Variants in SEC24B observed in about 807,000 individuals in gnomAD.
The protein encoded by SEC24B is SEC24 homolog B, COPII component, also known as protein transport protein Sec24B.
In SEC24B, 45 loss-of-function variants were observed where a neutral mutation model predicts 142.8. That is an observed-to-expected ratio of 0.32 (90% CI 0.25 to 0.40). SEC24B has a LOEUF of 0.40. SEC24B is among the 10% of genes least tolerant of loss of function. The probability of loss-of-function intolerance (pLI) is 1.00; values close to 1 mark genes in which losing one functional copy is unlikely to be tolerated. For missense variants in SEC24B, 1,409 were observed against 1,526.8 expected, an observed-to-expected ratio of 0.92 and a Z score of 1.29; for synonymous variants, 574 against 568.2, an observed-to-expected ratio of 1.01 and a Z score of -0.15.
chr4:109,488,750 CA>C (rs1350630789), intron 4 of SEC24B: 1 of 167,580 alleles, frequency 6.0e-6, no homozygotes, highest in Non-Finnish European at 1.5e-5. Flanking sequence ...TAAGGTTTGG[CA>C]AAGATGTGGA....
chr4:109,470,035 AC>A (rs1732351611), intron 2 of SEC24B, among the ~76,000 whole-genome samples: 1 of 152,240 alleles, frequency 6.6e-6, no homozygotes. Context: ...GCAAATTAAA[AC>A]TAGAATGGGA....
intron 1 of SEC24B, among the ~76,000 whole-genome samples, chr4:109,459,111 C>G (rs1017447515): frequency 6.6e-6 from 1 of 152,058 alleles, no homozygotes; most frequent in Non-Finnish European, 1.5e-5. Context: ...CTGTGTTGCT[C>G]TACTCTTCGA....
chr4:109,501,321 A>G (rs777653696), intron 6 of SEC24B, among the ~76,000 whole-genome samples: 1 of 152,138 alleles, frequency 6.6e-6, no homozygotes, highest in African/African-American at 2.4e-5. Flanking sequence ...TTGTGAGTAC[A>G]CTCTGTGATG....
At chr4:109,496,483 GA>G (rs1240585714) in intron 6 of SEC24B, among the ~76,000 whole-genome samples, 146 of 152,274 alleles carry the variant, frequency 9.6e-4, no homozygotes, top group African/African-American at 3.0e-3. Context: ...TAACCTTATA[GA>G]AATTTTATGG....
At chr4:109,486,891 G>A (rs1487964198) in intron 4 of SEC24B, among the ~76,000 whole-genome samples, 2 of 152,130 alleles carry the variant, frequency 1.3e-5, no homozygotes, top group African/African-American at 2.4e-5. Context: ...GTAAGCAGGC[G>A]CGGTGGCTCA....
Position 109,532,677 on chromosome 4 carries a change from A to C in SEC24B, c.3429A>C (p.Pro1143=), listed in dbSNP as rs1282733967. The change falls in exon 21 of 24, where the codon CCA becomes CCC. Residue 1143 remains proline, a synonymous_variant. Transcript: ENST00000265175. ...TTAATGACAGGATTGTACCACAGCCACCTCTTCAAAAATTGTCTGCAGAGA... is the reference window on the plus strand; with the variant it reads ...TTAATGACAGGATTGTACCACAGCCCCCTCTTCAAAAATTGTCTGCAGAGA... The part of the protein sequence containing the change: ...VHVNDRIVPQ[P]PLQKLSAEKL... 4.6e-5 allele frequency: 74 copies of C among 1,613,620 alleles called. No homozygotes were observed. Among genetic ancestry groups the C allele is most frequent in the Non-Finnish European group, 5.9e-5 (70 of 1,179,660 alleles).
At chr4:109,539,308 A>G (rs539024394) in intron 23 of SEC24B, among the ~76,000 whole-genome samples, 37 of 150,220 alleles carry the variant, frequency 2.5e-4, no homozygotes, top group South Asian at 1.1e-3. Context: ...GGATCTTTCT[A>G]TCTTGCCCAG....
At chr4:109,517,251 TAAAG>T (rs1240620944) in intron 11 of SEC24B, among the ~76,000 whole-genome samples, 6 of 152,344 alleles carry the variant, frequency 3.9e-5, no homozygotes, top group Non-Finnish European at 5.9e-5. Flanking sequence ...GATGGATGGA[TAAAG>T]AAACTGGTAT....
In SEC24B at chr4:109,503,751, T is replaced by G. The variant is rs555146391; in HGVS notation, c.1489-2577T>G. 3.9e-5 allele frequency among the ~76,000 whole-genome samples: 6 copies of G among 152,080 alleles called. No homozygotes were observed. In the South Asian group the frequency reaches 1.0e-3, roughly 26 times the overall value. On this transcript the variant is annotated intron_variant, in intron 6 of 23. Coordinates refer to ENST00000265175, the MANE Select transcript of SEC24B (RefSeq NM_006323.5). Reference sequence around the variant, plus strand: ...AAAATCAGGAAAGTATTCTAGCTGGTTTTTTTTAGTTCTTTGATGATTTTG... The same window carrying G: ...AAAATCAGGAAAGTATTCTAGCTGGGTTTTTTTAGTTCTTTGATGATTTTG...
intron 7 of SEC24B, among the ~76,000 whole-genome samples, chr4:109,506,839 T>G (rs1736740484): frequency 6.6e-6 from 1 of 152,210 alleles, no homozygotes; most frequent in South Asian, 2.1e-4. Flanking sequence ...TTCTGATATC[T>G]TTTCAATAAG....
At chr4:109,489,305 A>T (rs1344722812) in intron 4 of SEC24B, among the ~76,000 whole-genome samples, 7 of 151,676 alleles carry the variant, frequency 4.6e-5, no homozygotes, top group Non-Finnish European at 2.9e-5. Flanking sequence ...CTGCGTGTGG[A>T]TATGTCTAGT....
intron 5 of SEC24B, among the ~76,000 whole-genome samples, chr4:109,493,134 A>G (rs1735189500): frequency 6.6e-6 from 1 of 152,160 alleles, no homozygotes; most frequent in African/African-American, 2.4e-5. Context: ...TTATGACAGC[A>G]TGTTGAAGGT....
Position 109,525,375 on chromosome 4 carries a change from A to G in SEC24B, c.2662A>G (p.Ile888Val). 6.2e-7 allele frequency: 1 copy of G among 1,609,378 alleles called. No homozygotes were observed. Among genetic ancestry groups the G allele is most frequent in the Non-Finnish European group, 8.5e-7 (1 of 1,177,762 alleles). ...CATGTCCAAGTATTCTGCAGGGTGC[A>G]TCTATTATTATCCATCATTCCACTA... Reference protein sequence around the residue: ...ACMSKYSAGCIYYYPSFHYTH... With the variant: ...ACMSKYSAGCVYYYPSFHYTH... The change falls in exon 16 of 24, where the codon ATC (isoleucine) becomes GTC (valine). Residue 888 changes from isoleucine (I) to valine (V), a missense_variant. Transcript: ENST00000265175.
intron 16 of SEC24B, 50 bp downstream of exon 16, chr4:109,525,554 CAGTG>C: frequency 7.6e-7 from 1 of 1,319,364 alleles, no homozygotes; most frequent in Non-Finnish European, 1.0e-6. Flanking sequence ...GTATCAAAGT[CAGTG>C]AGCATTCCAT....
In SEC24B at chr4:109,463,603, C is replaced by G. The variant is rs1323419145; in HGVS notation, c.836C>G (p.Thr279Arg). 6.2e-7 allele frequency: 1 copy of G among 1,614,110 alleles called. No homozygotes were observed. ...CAAGACAATCTCATCCGAAACCACA[C>G]AGGATCCCTGGCTGTAGCGAACAAC... The part of the protein sequence containing the change: ...STQDNLIRNH[T>R]GSLAVANNNP... Residue 279 changes from threonine (T) to arginine (R), a missense_variant, in exon 2 of 24, where the codon ACA becomes AGA. Physicochemically the swap from Thr to Arg is moderately conservative, Grantham distance 71. Coordinates refer to ENST00000265175, the MANE Select transcript of SEC24B (RefSeq NM_006323.5).
chr4:109,472,607 C>T (rs1732645388), intron 2 of SEC24B, among the ~76,000 whole-genome samples: 1 of 152,092 alleles, frequency 6.6e-6, no homozygotes, highest in African/African-American at 2.4e-5. Context: ...CACCTCCTTA[C>T]CTGAGTCACC....
chr4:109,466,613 T>G (rs921820074), intron 2 of SEC24B, among the ~76,000 whole-genome samples: 6 of 152,190 alleles, frequency 3.9e-5, no homozygotes, highest in Admixed American at 2.6e-4. Flanking sequence ...GGTTTCACCA[T>G]GTTGGCCAGG....
intron 20 of SEC24B, among the ~76,000 whole-genome samples, chr4:109,532,045 C>T (rs1561189387): frequency 6.6e-6 from 1 of 151,802 alleles, no homozygotes; most frequent in African/African-American, 2.4e-5. Context: ...TTAGTAGAGA[C>T]AGAGTTTCAC....
chr4:109,512,517 A>G (rs561477110), intron 9 of SEC24B, among the ~76,000 whole-genome samples: 1 of 151,940 alleles, frequency 6.6e-6, no homozygotes, highest in Non-Finnish European at 1.5e-5. Flanking sequence ...TTTCAAATTT[A>G]TGTTTCTCTG....
Sources: allele counts gnomAD v4.1 joint callset (sites outside exome capture counted in the v4.1 genomes callset), GRCh38; gene constraint gnomAD v4.1.1; transcripts MANE v1.5; gene names NCBI Gene and HGNC (gene_info 2026-07-23, HGNC 2026-07-21).